BBS7: variants seen among roughly 807,000 people sequenced by gnomAD.
BBS7 encodes the protein Bardet-Biedl syndrome 7.
Under a neutral mutation model 90.3 loss-of-function variants are expected in BBS7, and 50 were observed. The ratio of observed to expected loss-of-function variants is 0.55; its 90% confidence interval spans 0.44 to 0.70. The LOEUF is 0.70. Among genes scored for constraint, BBS7 ranks in the 30% least tolerant of loss-of-function variants. The probability of loss-of-function intolerance (pLI) is 0.00; values close to 1 mark genes in which losing one functional copy is unlikely to be tolerated. For synonymous variants in BBS7, 235 were observed against 287.4 expected (o/e 0.82, Z 1.85); for missense variants, 729 against 838.9 (o/e 0.87, Z 1.62).
intron 15 of BBS7, among the ~76,000 whole-genome samples, chr4:121,832,538 T>G (rs1252535515): frequency 6.6e-6 from 1 of 152,116 alleles, no homozygotes; most frequent in Non-Finnish European, 1.5e-5. Flanking sequence ...TCTACTATAT[T>G]GAGAAGTTGA....
rs1020607666 is a variant in BBS7, at chr4:121,844,127, T to G, written c.1231-126A>C. 3.8e-5 allele frequency: 24 copies of G among 638,570 alleles called. No homozygotes were observed. In the African/African-American group the frequency reaches 4.2e-4, roughly 11 times the overall value. The allele number at this position is 638,570 out of a possible 1,614,324, so 39.6% of individuals were successfully genotyped here. On this transcript the variant is annotated intron_variant, in intron 11 of 18. Coordinates refer to ENST00000264499, the MANE Select transcript of BBS7 (RefSeq NM_176824.3). ...TCATCTTTAAATTTGAGAGTATGAA[T>G]TCTCTTAACTTATACTTGATAGTAT...
intron 14 of BBS7, among the ~76,000 whole-genome samples, chr4:121,834,005 A>G (rs1365432077): frequency 3.9e-5 from 6 of 152,170 alleles, no homozygotes; most frequent in Non-Finnish European, 8.8e-5. Context: ...GCTCTGTGCC[A>G]TTGGACAACT....
intron 1 of BBS7, 96 bp from the exon 2 acceptor site, chr4:121,868,142 G>C: frequency 3.3e-6 from 3 of 915,158 alleles, no homozygotes; most frequent in Non-Finnish European, 3.6e-6. Flanking sequence ...ACTGAAATTA[G>C]TGATATAACT....
chr4:121,825,735 C>G lies in BBS7; in HGVS notation c.*125G>C. On this transcript the variant is annotated 3_prime_UTR_variant, in exon 19 of 19. Transcript: ENST00000264499. ...GCATTACTTTAAAAAGCCATTATAT[C>G]TCAAATATTTTTAGATATAAAAAAG... The G allele has an allele frequency of 1.1e-6, 1 of 942,454 alleles. No homozygotes were observed. The highest frequency in any genetic ancestry group is 1.5e-6 in the Non-Finnish European group (1 of 662,334). 58.4% of individuals were successfully genotyped at this position (942,454 alleles called of 1,614,324 possible).
At chr4:121,831,082 G>A (rs997251653) in intron 15 of BBS7, among the ~76,000 whole-genome samples, 18 of 152,156 alleles carry the variant, frequency 1.2e-4, no homozygotes, top group African/African-American at 4.1e-4. Context: ...GCACATGCCT[G>A]TAGTCCCAAC....
Position 121,847,450 on chromosome 4 carries a change from C to T in BBS7, c.991G>A (p.Glu331Lys). 1 of 1,613,766 alleles carries T rather than the reference C, an allele frequency of 6.2e-7. No homozygotes were observed. The highest frequency in any genetic ancestry group is 8.5e-7 in the Non-Finnish European group (1 of 1,179,848). ...PIHKESGPGE[E>K]LKINQEMQNK... The stretch of plus-strand genomic sequence containing the variant: ...TGCATCTCCTGATTAATTTTTAGTT[C>T]TTCTCCTGGTCCACTTTCCTTATGA... Residue 331 changes from glutamate to lysine, a missense_variant, in exon 10 of 19, where the codon GAA becomes AAA. Transcript: ENST00000264499.
intron 7 of BBS7, among the ~76,000 whole-genome samples, chr4:121,853,377 T>C (rs1726426996): frequency 1.3e-5 from 2 of 152,208 alleles, no homozygotes; most frequent in South Asian, 2.1e-4. Flanking sequence ...CATCTAAAAC[T>C]TTCCATACCC....
chr4:121,852,898 G>T, intron 8 of BBS7, 58 bp downstream of exon 8: 1 of 1,536,942 alleles, frequency 6.5e-7, no homozygotes. Flanking sequence ...CAAACCATCT[G>T]TCATCTCTAT....
rs756726486 is a variant in BBS7 at position 121,833,308 on chromosome 4, T to C, written c.1599A>G (p.Glu533=). The change falls in exon 15 of 19, where the codon GAA becomes GAG. Residue 533 remains glutamate (E), a synonymous_variant. Coordinates refer to ENST00000264499, the MANE Select transcript of BBS7 (RefSeq NM_176824.3). ...WVVFCLPEVP[E]KPPAGECVTF... is the part of the protein sequence containing the mutation. ...TCACACATTCTCCTGCTGGAGGTTT[T>C]TCTGGAACTTCAGGCAGACAAAAAA... 6.2e-7 allele frequency: 1 copy of C among 1,614,040 alleles called. No individual in the cohort carries two copies. The highest frequency in any genetic ancestry group is 1.7e-5 in the Admixed American group (1 of 60,020).
intron 9 of BBS7, 121 bp from the exon 10 acceptor site, chr4:121,847,627 C>T: frequency 1.3e-6 from 1 of 744,186 alleles, no homozygotes; most frequent in South Asian, 1.5e-5. Flanking sequence ...ATCAGCCTAA[C>T]TTAACCCTAG....
At chr4:121,857,187 G>C (rs901771340) in intron 5 of BBS7, among the ~76,000 whole-genome samples, 3 of 149,412 alleles carry the variant, frequency 2.0e-5, no homozygotes, top group African/African-American at 7.4e-5. Flanking sequence ...GCAGTGGTGT[G>C]ATCATAGCTT....
Position 121,868,021 on chromosome 4 carries a change from A to G in BBS7, c.62T>C (p.Met21Thr). The G allele has an allele frequency of 5.0e-6, 8 of 1,613,650 alleles. No homozygotes were observed. Among genetic ancestry groups the G allele is most frequent in the Non-Finnish European group, 6.8e-6 (8 of 1,179,690 alleles). The change falls in exon 2 of 19, where the codon ATG (methionine) becomes ACG (threonine). Residue 21 changes from methionine to threonine, a missense_variant. Physicochemically the swap from Met to Thr is moderately conservative, Grantham distance 81. Transcript: ENST00000264499. ...LQVGVTSQKT[M>T]KLIPASRHRA... ...GTGTCTTGAGGCAGGAATTAGCTTC[A>G]TAGTCTTCTGAGATGTTACTCCCAC...
At chr4:121,844,038 G>A (rs748760742) in intron 11 of BBS7, 37 bp from the exon 12 acceptor site, 1 of 1,307,596 alleles carries the variant, frequency 7.6e-7, no homozygotes, top group South Asian at 1.3e-5. Flanking sequence ...GGTTGAGATG[G>A]AAAACCTAAA....
Position 121,855,401 on chromosome 4 carries a change from A to G in BBS7, c.601+88T>C. Reference sequence around the variant, plus strand: ...AGTTACCAGAAAGACAACTGTCTCAATTCTAGTTTATGTCCTTTCTACAAT... The same window carrying G: ...AGTTACCAGAAAGACAACTGTCTCAGTTCTAGTTTATGTCCTTTCTACAAT... On this transcript the variant is annotated intron_variant, in intron 6 of 18. Coordinates refer to ENST00000264499, the MANE Select transcript of BBS7 (RefSeq NM_176824.3). The G allele has an allele frequency of 2.5e-6, 3 of 1,220,232 alleles. No individual in the cohort carries two copies. In the Admixed American group the frequency reaches 5.1e-5, roughly 21 times the overall value. The allele number at this position is 1,220,232 out of a possible 1,614,324, so 75.6% of individuals were successfully genotyped here.
chr4:121,853,095 A>G lies in BBS7; in HGVS notation c.719-9T>C. The G allele has an allele frequency of 1.2e-6, 2 of 1,612,324 alleles. No individual in the cohort carries two copies. Among genetic ancestry groups the G allele is most frequent in the South Asian group, 1.1e-5 (1 of 91,040 alleles). ...GTCAATACACAAAATACCTTTAAAA[A>G]GAGATATGTGATAAGTTATTAAGAA... On this transcript the variant is annotated splice_polypyrimidine_tract_variant and intron_variant, in intron 7 of 18. Coordinates refer to ENST00000264499, the MANE Select transcript of BBS7 (RefSeq NM_176824.3).
At chr4:121,831,023 C>T (rs751200387) in intron 15 of BBS7, among the ~76,000 whole-genome samples, 4 of 151,898 alleles carry the variant, frequency 2.6e-5, no homozygotes, top group South Asian at 2.1e-4. Context: ...CTGGCCAACA[C>T]GGTGAAACTA....
chr4:121,850,701 T>G (rs1726271782), intron 8 of BBS7, among the ~76,000 whole-genome samples: 3 of 152,164 alleles, frequency 2.0e-5, no homozygotes, highest in Admixed American at 2.0e-4. Context: ...TTTGAAAAAC[T>G]CTGGTAGGTA....
intron 13 of BBS7, among the ~76,000 whole-genome samples, chr4:121,839,138 A>G (rs1725603911): frequency 1.3e-5 from 2 of 152,204 alleles, no homozygotes; most frequent in Admixed American, 1.3e-4. Context: ...GAATAGCATA[A>G]ATAAAGTGGC....
intron 15 of BBS7, among the ~76,000 whole-genome samples, chr4:121,830,218 A>G (rs957046752): frequency 2.0e-5 from 3 of 152,172 alleles, no homozygotes; most frequent in Admixed American, 2.0e-4. Flanking sequence ...CCTGGCCAAC[A>G]TGGTGAGACC....
Sources: gnomAD v4.1 joint callset for allele counts (sites outside exome capture counted in the v4.1 genomes callset) on GRCh38, gnomAD v4.1.1 for gene constraint, MANE v1.5 for transcripts, NCBI Gene and HGNC (gene_info 2026-07-23, HGNC 2026-07-21) for gene names.